PPM1H: variants seen among roughly 807,000 people sequenced by gnomAD.
PPM1H encodes protein phosphatase, Mg2+/Mn2+ dependent 1H.
PPM1H carries 27 observed loss-of-function variants against 54.9 expected under a neutral mutation model. The observed-to-expected ratio is 0.49, with a 90% CI of 0.36 to 0.68. The LOEUF (loss-of-function observed/expected upper bound fraction) is 0.68. PPM1H is among the 30% of genes least tolerant of loss of function. PPM1H has a pLI of 0.00. For synonymous variants in PPM1H, 305 were observed against 270.8 expected, an observed-to-expected ratio of 1.13 and a Z score of -1.24; for missense variants, 596 against 667.8, an observed-to-expected ratio of 0.89 and a Z score of 1.19.
intron 9 of PPM1H, among the ~76,000 whole-genome samples, chr12:62,659,524 T>G (rs778158896): frequency 6.6e-6 from 1 of 152,100 alleles, no homozygotes; most frequent in African/African-American, 2.4e-5. Flanking sequence ...GAGGGGGAGA[T>G]GCTATTTTAA....
chr12:62,844,457 T>G lies in PPM1H; in HGVS notation c.246-12178A>C, dbSNP rs991449496. 1.3e-5 allele frequency among the ~76,000 whole-genome samples: 2 copies of G among 152,182 alleles called. No homozygotes were observed. Among genetic ancestry groups the G allele is most frequent in the Non-Finnish European group, 2.9e-5 (2 of 68,030 alleles). Reference sequence around the variant, plus strand: ...GAAATAGCAACTGCATGCTACATGATTCAGGCTACGTAGCCACATTCCCCT... The same window carrying G: ...GAAATAGCAACTGCATGCTACATGAGTCAGGCTACGTAGCCACATTCCCCT... On this transcript the variant is annotated intron_variant, in intron 1 of 9. Coordinates refer to ENST00000228705, the MANE Select transcript of PPM1H (RefSeq NM_020700.2). This position sits in a 1 kb window ranked among gnomAD's most constrained non-coding sequence, Gnocchi z 5.2.
intron 1 of PPM1H, among the ~76,000 whole-genome samples, chr12:62,890,749 CA>C (rs1870763913): frequency 7.1e-6 from 1 of 140,380 alleles, no homozygotes; most frequent in Non-Finnish European, 1.5e-5. Context: ...CACACACACA[CA>C]CACACATATA....
chr12:62,850,047 A>G (rs1869121782), intron 1 of PPM1H, among the ~76,000 whole-genome samples: 1 of 152,004 alleles, frequency 6.6e-6, no homozygotes, highest in South Asian at 2.1e-4. Context: ...ACTGCAGCCT[A>G]AACCTCCCAG....
intron 6 of PPM1H, among the ~76,000 whole-genome samples, chr12:62,695,892 G>C (rs557153537): frequency 1.3e-5 from 2 of 152,182 alleles, no homozygotes; most frequent in East Asian, 3.9e-4. Flanking sequence ...CCCATGTGGA[G>C]AGTGAGGAGA....
chr12:62,884,501 C>CAAAAAAAAAA (rs6144736), intron 1 of PPM1H, among the ~76,000 whole-genome samples: 2 of 89,968 alleles, frequency 2.2e-5, no homozygotes, highest in African/African-American at 7.9e-5. Context: ...AACTCCATAT[C>CAAAAAAAAAA]AAAAAAAAAA....
chr12:62,696,338 C>G (rs1375020239), intron 6 of PPM1H, among the ~76,000 whole-genome samples: 1 of 152,092 alleles, frequency 6.6e-6, no homozygotes, highest in Admixed American at 6.5e-5. Context: ...TCTTCAGGAA[C>G]AACAAAACAT....
intron 2 of PPM1H, among the ~76,000 whole-genome samples, chr12:62,816,795 C>A (rs2076869036): frequency 1.3e-5 from 2 of 151,538 alleles, no homozygotes; most frequent in South Asian, 4.2e-4. Context: ...AATGTTCTTC[C>A]CACTTAAAGC....
intron 1 of PPM1H, among the ~76,000 whole-genome samples, chr12:62,890,031 T>G (rs1036767923): frequency 2.6e-5 from 4 of 152,040 alleles, no homozygotes; most frequent in African/African-American, 9.7e-5. Context: ...ACATATCTGG[T>G]AAAGGATTAT....
chr12:62,806,053 T>A (rs1341038303), intron 2 of PPM1H, among the ~76,000 whole-genome samples: 2 of 152,118 alleles, frequency 1.3e-5, no homozygotes, highest in African/African-American at 4.8e-5. Context: ...TATAAAACAC[T>A]AAGAAAAATA....
chr12:62,862,149 C>G (rs1362177698), intron 1 of PPM1H, among the ~76,000 whole-genome samples: 2 of 152,066 alleles, frequency 1.3e-5, no homozygotes, highest in African/African-American at 4.8e-5. Flanking sequence ...TCATGACAGA[C>G]CCAGAGAGCG....
Position 62,875,114 on chromosome 12 carries a change from C to T in PPM1H, c.246-42835G>A, listed in dbSNP as rs560722882. 5.9e-5 allele frequency among the ~76,000 whole-genome samples: 9 copies of T among 152,308 alleles called. No individual in the cohort carries two copies. In the East Asian group the frequency reaches 1.5e-3, roughly 26 times the overall value. On this transcript the variant is annotated intron_variant, in intron 1 of 9. Transcript: ENST00000228705. Reference sequence around the variant, plus strand: ...AGTAGGACCCTCTTTTATATTTATACATGGATTCAAGCCTGGGAGAAGTCT... The same window carrying T: ...AGTAGGACCCTCTTTTATATTTATATATGGATTCAAGCCTGGGAGAAGTCT...
intron 5 of PPM1H, chr12:62,720,677 C>A (rs2076258595): frequency 5.5e-6 from 1 of 182,754 alleles, no homozygotes; most frequent in Admixed American, 5.6e-5. Flanking sequence ...CCTTGGTTAT[C>A]ACGGCCTTGC....
intron 9 of PPM1H, among the ~76,000 whole-genome samples, chr12:62,665,275 C>T (rs998438690): frequency 3.9e-5 from 6 of 152,174 alleles, no homozygotes; most frequent in Admixed American, 3.9e-4. Flanking sequence ...TCTTGAACTC[C>T]TGACCTCAGG....
intron 6 of PPM1H, among the ~76,000 whole-genome samples, chr12:62,713,892 CG>C (rs1259357229): frequency 6.6e-6 from 1 of 151,826 alleles, no homozygotes; most frequent in East Asian, 1.9e-4. Context: ...CACTTGAGCC[CG>C]GGAGGTTGAG....
At position 62,648,518 on chromosome 12, in the gene PPM1H, G is replaced by T; in HGVS notation, c.1516C>A (p.Pro506Thr). 3.1e-6 allele frequency: 5 copies of T among 1,613,902 alleles called. No individual in the cohort carries two copies. The highest frequency in any genetic ancestry group is 3.4e-6 in the Non-Finnish European group (4 of 1,179,880). ...SGDDISVYVI[P>T]LIHGNKLS is the part of the protein sequence containing the mutation. ...GACAGCTTGTTTCCATGTATTAAAG[G>T]AATGACATATACAGAAATGTCGTCT... is the stretch of plus-strand genomic sequence containing the variant. Residue 506 changes from proline to threonine, a missense_variant, in exon 10 of 10, where the codon CCT (proline) becomes ACT (threonine). This residue lies in a region of PPM1H where 208 missense variants were observed against 259.5 expected (regional missense o/e 0.80). Coordinates refer to ENST00000228705, the MANE Select transcript of PPM1H (RefSeq NM_020700.2).
At chr12:62,895,086 G>T (rs1200778195) in intron 1 of PPM1H, among the ~76,000 whole-genome samples, 2 of 152,182 alleles carry the variant, frequency 1.3e-5, no homozygotes, top group Non-Finnish European at 2.9e-5. Flanking sequence ...AAGATAGGAG[G>T]AACTTCATAA....
intron 1 of PPM1H, among the ~76,000 whole-genome samples, chr12:62,889,850 C>T (rs972762139): frequency 6.6e-5 from 10 of 152,238 alleles, no homozygotes; most frequent in East Asian, 1.9e-4. Context: ...AGAAAATCTA[C>T]GTGGCCTTGA....
chr12:62,687,855 A>G (rs2076062156), intron 8 of PPM1H, among the ~76,000 whole-genome samples: 1 of 151,998 alleles, frequency 6.6e-6, no homozygotes, highest in Admixed American at 6.6e-5. Context: ...CTAAAAATAC[A>G]AAAATTAGCC....
At chr12:62,790,461 A>G (rs1250288523) in intron 3 of PPM1H, among the ~76,000 whole-genome samples, 1 of 152,140 alleles carries the variant, frequency 6.6e-6, no homozygotes, top group African/African-American at 2.4e-5. Context: ...AGTCTTAGCT[A>G]CTTGGGAGGC....
Sources: allele counts gnomAD v4.1 joint callset (sites outside exome capture counted in the v4.1 genomes callset), GRCh38; gene constraint gnomAD v4.1.1; regional missense constraint gnomAD v4.1.1; non-coding constraint Gnocchi (gnomAD v3.1); transcripts MANE v1.5; gene names NCBI Gene and HGNC (gene_info 2026-07-23, HGNC 2026-07-21).